Variants in NBDY observed in about 807,000 individuals in gnomAD.
NBDY encodes P-body dissociating protein.
At chrX:56,754,828 TAATA>T (rs777896264) in intron 2 of NBDY, among the ~76,000 whole-genome samples, 3 of 98,154 alleles carry the variant, frequency 3.1e-5, no homozygotes, top group Non-Finnish European at 6.3e-5. Flanking sequence ...AGGAAGGAAA[TAATA>T]AAGATTAGAG....
At chrX:56,790,265 C>A (rs973345381) in intron 2 of NBDY, among the ~76,000 whole-genome samples, 4 of 112,513 alleles carry the variant, frequency 3.6e-5, no homozygotes, top group African/African-American at 6.5e-5. Flanking sequence ...CAAATGTTTT[C>A]TTTCTTTGCT....
intron 2 of NBDY, among the ~76,000 whole-genome samples, chrX:56,795,898 G>T (rs2146735289): frequency 8.9e-6 from 1 of 112,161 alleles, no homozygotes; most frequent in East Asian, 2.8e-4. Flanking sequence ...AGTTTCAGAG[G>T]TTCTCGTTTT....
intron 2 of NBDY, among the ~76,000 whole-genome samples, chrX:56,784,088 CA>C (rs1465402958): frequency 3.6e-5 from 4 of 111,705 alleles, no homozygotes; most frequent in African/African-American, 1.3e-4. Flanking sequence ...TGAGTGGGTA[CA>C]GGGGGAGAGG....
chrX:56,781,672 A>G (rs1465320551), intron 2 of NBDY, among the ~76,000 whole-genome samples: 1 of 111,172 alleles, frequency 9.0e-6, no homozygotes, highest in Non-Finnish European at 1.9e-5. Flanking sequence ...CTGTTTATGG[A>G]GGTCACAATC....
At chrX:56,733,093 A>C (rs184909955) in intron 2 of NBDY, among the ~76,000 whole-genome samples, 96 of 110,604 alleles carry the variant, frequency 8.7e-4, no homozygotes, top group Middle Eastern at 9.7e-3. Context: ...TAGAACTATA[A>C]ATTTTCTTCT....
At chrX:56,764,702 C>CAAAAAAAAAAAAAAAAAA (rs10623590) in intron 2 of NBDY, among the ~76,000 whole-genome samples, 52 of 60,757 alleles carry the variant, frequency 8.6e-4, no homozygotes, top group Non-Finnish European at 1.4e-3. Flanking sequence ...AAACAAACAC[C>CAAAAAAAAAAAAAAAAAA]AAAAAAAAAA....
At chrX:56,791,575 A>T (rs2069763373) in intron 2 of NBDY, among the ~76,000 whole-genome samples, 1 of 111,093 alleles carries the variant, frequency 9.0e-6, no homozygotes, top group South Asian at 3.8e-4. Flanking sequence ...TTTTGATTCC[A>T]CTCAGGAAAG....
chrX:56,782,586 G>T (rs1381237046), intron 2 of NBDY, among the ~76,000 whole-genome samples: 1 of 112,147 alleles, frequency 8.9e-6, no homozygotes. Flanking sequence ...TTGCTTTTAA[G>T]TGAAATGTCA....
intron 2 of NBDY, among the ~76,000 whole-genome samples, chrX:56,794,415 A>G (rs1377384475): frequency 8.9e-6 from 1 of 111,857 alleles, no homozygotes; most frequent in Non-Finnish European, 1.9e-5. Flanking sequence ...AAAAAACAAA[A>G]GCAAAGAAAC....
chrX:56,781,083 A>T (rs2069685043), intron 2 of NBDY, among the ~76,000 whole-genome samples: 1 of 111,413 alleles, frequency 9.0e-6, no homozygotes, highest in Admixed American at 9.5e-5. Context: ...GGAACGCAGG[A>T]ACTTTGGTGT....
chrX:56,735,775 G>A (rs1461491529), intron 2 of NBDY, among the ~76,000 whole-genome samples: 1 of 111,565 alleles, frequency 9.0e-6, no homozygotes, highest in African/African-American at 3.3e-5. Context: ...TTTTAAAGGG[G>A]GTTCTAGACA....
chrX:56,797,064 T>C (rs964086470), intron 2 of NBDY, among the ~76,000 whole-genome samples: 2 of 109,314 alleles, frequency 1.8e-5, no homozygotes, highest in Non-Finnish European at 3.8e-5. Context: ...CCTCCTTTCC[T>C]CCTCCTCCTC....
chrX:56,803,155 C>A lies in NBDY; in HGVS notation c.*167-14165C>A, dbSNP rs199540573. Among the ~76,000 whole-genome samples, 4 of 110,870 alleles carry A rather than the reference C, an allele frequency of 3.6e-5. No individual in the cohort carries two copies. In the East Asian group the frequency reaches 8.5e-4, roughly 24 times the overall value. On this transcript the variant is annotated intron_variant, in intron 2 of 2. Transcript: ENST00000374922. ...GTGGGGCCCCCAGGCTGAAGCTGGA[C>A]GAGAGAGGAACTCCTGGCTGGCCCT...
chrX:56,758,117 T>C (rs143376089), intron 2 of NBDY, among the ~76,000 whole-genome samples: 266 of 110,708 alleles, frequency 2.4e-3, no homozygotes, highest in Non-Finnish European at 3.7e-3. Context: ...GCAGATTGCT[T>C]GAGGCCAGGA....
At position 56,804,309 on chromosome X, in the gene NBDY, C is replaced by G. The variant is rs528765030; in HGVS notation, c.*167-13011C>G. 1.7e-4 allele frequency among the ~76,000 whole-genome samples: 19 copies of G among 112,018 alleles called. No individual in the cohort carries two copies. The South Asian group carries it at 7.2e-3, about 42-fold the overall frequency. On this transcript the variant is annotated intron_variant, in intron 2 of 2. Transcript: ENST00000374922. Reference sequence around the variant, plus strand: ...GAAGAAGGTCGGGCCAGGTGTCTGTCAGGATGAGACTCGACAGATTGGACA... The same window carrying G: ...GAAGAAGGTCGGGCCAGGTGTCTGTGAGGATGAGACTCGACAGATTGGACA...
At chrX:56,742,834 G>A (rs897299535) in intron 2 of NBDY, among the ~76,000 whole-genome samples, 1 of 111,155 alleles carries the variant, frequency 9.0e-6, no homozygotes, top group Non-Finnish European at 1.9e-5. Flanking sequence ...TTGTCTGATT[G>A]CTCTAACTAG....
At chrX:56,782,940 A>G (rs1282800653) in intron 2 of NBDY, among the ~76,000 whole-genome samples, 8 of 112,485 alleles carry the variant, frequency 7.1e-5, no homozygotes, top group Non-Finnish European at 1.5e-4. Flanking sequence ...ACAAACACAC[A>G]CATTAAACAC....
intron 2 of NBDY, among the ~76,000 whole-genome samples, chrX:56,782,636 G>C (rs2069700085): frequency 8.9e-6 from 1 of 112,280 alleles, no homozygotes; most frequent in Non-Finnish European, 1.9e-5. Context: ...ATGGCTTGCT[G>C]TTATTTCCTG....
chrX:56,789,900 C>A (rs899231305), intron 2 of NBDY, among the ~76,000 whole-genome samples: 2 of 111,425 alleles, frequency 1.8e-5, no homozygotes, highest in Non-Finnish European at 3.8e-5. Flanking sequence ...TTCTCCTGGG[C>A]CCTATCTTTG....
Sources: gnomAD v4.1 joint callset for allele counts (sites outside exome capture counted in the v4.1 genomes callset) on GRCh38, gnomAD v4.1.1 for gene constraint, MANE v1.5 for transcripts, NCBI Gene and HGNC (gene_info 2026-07-23, HGNC 2026-07-21) for gene names.